Variants in ATF7IP2 observed in about 807,000 individuals in gnomAD.
ATF7IP2 encodes the protein activating transcription factor 7-interacting protein 2.
A neutral mutation model predicts 64.2 loss-of-function variants in ATF7IP2; 42 were observed. The ratio of observed to expected loss-of-function variants is 0.65; its 90% confidence interval spans 0.51 to 0.85. The LOEUF (loss-of-function observed/expected upper bound fraction) is 0.85, where lower values mean the gene tolerates loss of function less well. ATF7IP2 is among the 40% of genes least tolerant of loss of function. The pLI is 0.00. For missense variants in ATF7IP2, 933 were observed against 784.2 expected (o/e 1.19, Z -2.27); for synonymous variants, 308 against 272.8 (o/e 1.13, Z -1.27).
intron 1 of ATF7IP2, among the ~76,000 whole-genome samples, chr16:10,408,877 C>T (rs2047695061): frequency 6.6e-6 from 1 of 152,164 alleles, no homozygotes; most frequent in Non-Finnish European, 1.5e-5. Flanking sequence ...GTTTTTGTTG[C>T]ATTTGCTTTT....
chr16:10,478,966 A>T (rs1177681779), intron 12 of ATF7IP2, among the ~76,000 whole-genome samples: 1 of 151,932 alleles, frequency 6.6e-6, no homozygotes, highest in African/African-American at 2.4e-5. Flanking sequence ...ATCTCACACC[A>T]GTTAGAATGG....
intron 2 of ATF7IP2, among the ~76,000 whole-genome samples, 187 bp from the exon 3 acceptor site, chr16:10,419,394 A>T (rs941677501): frequency 2.0e-5 from 3 of 152,152 alleles, no homozygotes; most frequent in Non-Finnish European, 2.9e-5. Flanking sequence ...TCATTAGTGT[A>T]TACCTCCACT....
chr16:10,436,981 T>TAA (rs1338907979), intron 6 of ATF7IP2, among the ~76,000 whole-genome samples: 2 of 151,928 alleles, frequency 1.3e-5, no homozygotes, highest in Admixed American at 6.6e-5. Context: ...TTATGGCAGA[T>TAA]AACATTGGTA....
At chr16:10,464,720 TAC>T (rs1384557123) in intron 9 of ATF7IP2, among the ~76,000 whole-genome samples, 7 of 152,226 alleles carry the variant, frequency 4.6e-5, no homozygotes, top group African/African-American at 1.7e-4. Context: ...AGGAAATGTT[TAC>T]AGAGATGGAA....
At chr16:10,467,039 T>C (rs1315732925) in intron 9 of ATF7IP2, among the ~76,000 whole-genome samples, 2 of 152,154 alleles carry the variant, frequency 1.3e-5, no homozygotes, top group Non-Finnish European at 2.9e-5. Context: ...AAGACAAGGC[T>C]AATCCTCTGC....
At chr16:10,451,885 C>A (rs549617437) in intron 8 of ATF7IP2, among the ~76,000 whole-genome samples, 1 of 152,058 alleles carries the variant, frequency 6.6e-6, no homozygotes, top group East Asian at 1.9e-4. Context: ...AACCCCATCT[C>A]TACTAAAAAT....
At chr16:10,457,772 T>C (rs2049231534) in intron 9 of ATF7IP2, among the ~76,000 whole-genome samples, 1 of 152,162 alleles carries the variant, frequency 6.6e-6, no homozygotes, top group Non-Finnish European at 1.5e-5. Context: ...AGTGGTACAG[T>C]CACGGCTCAC....
Position 10,431,272 on chromosome 16 carries a change from A to C in ATF7IP2, c.652A>C (p.Ile218Leu), listed in dbSNP as rs1056235455. Residue 218 changes from isoleucine (I) to leucine (L), a missense_variant, in exon 5 of 14, where the codon ATT becomes CTT. By Grantham distance (5) the Ile-to-Leu change is conservative. Coordinates refer to ENST00000562102, the MANE Select transcript of ATF7IP2 (RefSeq NM_001393719.1). ...ACATGATAAAAGGCAAAGTGACAAC[A>C]TTTTATGTTCAGAAGACTCAGGTTT... ...ESHDKRQSDNILCSEDSGFVP... is the reference protein window; with the variant it reads ...ESHDKRQSDNLLCSEDSGFVP... The C allele has an allele frequency of 3.1e-6, 5 of 1,614,210 alleles. No homozygotes were observed. The highest frequency in any genetic ancestry group is 4.2e-6 in the Non-Finnish European group (5 of 1,180,024).
intron 9 of ATF7IP2, among the ~76,000 whole-genome samples, chr16:10,458,602 C>G (rs1376900210): frequency 6.6e-6 from 1 of 152,110 alleles, no homozygotes; most frequent in African/African-American, 2.4e-5. Context: ...ATTCTGATGG[C>G]TTTAATGGTG....
chr16:10,407,805 C>A (rs192059868), intron 1 of ATF7IP2, among the ~76,000 whole-genome samples: 1 of 152,110 alleles, frequency 6.6e-6, no homozygotes, highest in African/African-American at 2.4e-5. Context: ...CCCCTGAGTC[C>A]CCATAGTTCA....
intron 8 of ATF7IP2, among the ~76,000 whole-genome samples, chr16:10,450,105 C>T (rs2048937077): frequency 6.6e-6 from 1 of 152,120 alleles, no homozygotes; most frequent in South Asian, 2.1e-4. Flanking sequence ...GCAGGTTGTT[C>T]AGTTTCCATG....
At chr16:10,450,095 G>T (rs2048936795) in intron 8 of ATF7IP2, among the ~76,000 whole-genome samples, 1 of 152,136 alleles carries the variant, frequency 6.6e-6, no homozygotes. Context: ...TCATTCAGGA[G>T]CAGGTTGTTC....
intron 1 of ATF7IP2, among the ~76,000 whole-genome samples, chr16:10,409,648 A>T (rs1348975838): frequency 6.6e-6 from 1 of 152,124 alleles, no homozygotes. Flanking sequence ...GACGATCTCG[A>T]TCTCCTGACC....
intron 3 of ATF7IP2, among the ~76,000 whole-genome samples, chr16:10,420,988 A>T (rs1259698206): frequency 6.6e-6 from 1 of 152,222 alleles, no homozygotes; most frequent in Non-Finnish European, 1.5e-5. Flanking sequence ...TAATTTCAAA[A>T]ATTGAAACAG....
chr16:10,460,683 G>A (rs1393901347), intron 9 of ATF7IP2, among the ~76,000 whole-genome samples: 1 of 152,054 alleles, frequency 6.6e-6, no homozygotes, highest in East Asian at 1.9e-4. Flanking sequence ...GGACTCCTTT[G>A]TAAAGCTATA....
At chr16:10,409,556 A>G (rs1186706397) in intron 1 of ATF7IP2, among the ~76,000 whole-genome samples, 1 of 151,444 alleles carries the variant, frequency 6.6e-6, no homozygotes, top group Non-Finnish European at 1.5e-5. Flanking sequence ...CCTCCTAAGT[A>G]GCTGAGACTA....
At chr16:10,408,500 C>A (rs980322662) in intron 1 of ATF7IP2, among the ~76,000 whole-genome samples, 2 of 152,134 alleles carry the variant, frequency 1.3e-5, no homozygotes, top group Non-Finnish European at 2.9e-5. Flanking sequence ...ACACCAACAT[C>A]TATTATTTTT....
At chr16:10,422,355 C>G (rs986289597) in intron 3 of ATF7IP2, among the ~76,000 whole-genome samples, 2 of 152,144 alleles carry the variant, frequency 1.3e-5, no homozygotes, top group African/African-American at 4.8e-5. Context: ...TTTCCTAGCC[C>G]CATACCAGGG....
chr16:10,444,109 C>T (rs1302141178), intron 8 of ATF7IP2, among the ~76,000 whole-genome samples: 1 of 152,016 alleles, frequency 6.6e-6, no homozygotes, highest in Admixed American at 6.6e-5. Context: ...GTTTGTAGGT[C>T]CCCACAGGGC....
Sources: gnomAD v4.1 joint callset for allele counts (sites outside exome capture counted in the v4.1 genomes callset) on GRCh38, gnomAD v4.1.1 for gene constraint, MANE v1.5 for transcripts, NCBI Gene and HGNC (gene_info 2026-07-23, HGNC 2026-07-21) for gene names.